RAPGEF2: variants seen among roughly 807,000 people sequenced by gnomAD.
RAPGEF2 encodes PDZ domain containing guanine nucleotide exchange factor (GEF) 1.
RAPGEF2 carries 54 observed loss-of-function variants against 186.7 expected under a neutral mutation model. That is an observed-to-expected ratio of 0.29 (90% CI 0.23 to 0.36). The LOEUF is 0.36. Among genes scored for constraint, RAPGEF2 ranks in the 10% least tolerant of loss-of-function variants. RAPGEF2 has a pLI of 1.00. For missense variants in RAPGEF2, 1,532 were observed against 2,045.0 expected (o/e 0.75, Z 4.84); for synonymous variants, 712 against 705.9 (o/e 1.01, Z -0.14).
Position 159,343,359 on chromosome 4 carries a change from G to A in RAPGEF2, c.3209G>A (p.Arg1070Gln), listed in dbSNP as rs757863966. ...GCAAAAGAAATTCGTCACGTTGGCC[G>A]AATGGCTTCAGTGAACATGGACCCT... is the stretch of plus-strand genomic sequence containing the variant. ...MIAKEIRHVG[R>Q]MASVNMDPAL... Residue 1070 changes from arginine (R) to glutamine (Q), a missense_variant, in exon 22 of 30, where the codon CGA becomes CAA. Arg to Gln is a conservative substitution (Grantham distance 43). Transcript: ENST00000691494. 3.7e-6 allele frequency: 6 copies of A among 1,614,056 alleles called. No homozygotes were observed. The highest frequency in any genetic ancestry group is 1.6e-4 in the Middle Eastern group (1 of 6,062).
intron 7 of RAPGEF2, among the ~76,000 whole-genome samples, chr4:159,277,900 CT>C (rs1759141536): frequency 6.6e-6 from 1 of 152,116 alleles, no homozygotes; most frequent in African/African-American, 2.4e-5. Context: ...ATGGTAGTTT[CT>C]TTTGCTGTGC....
chr4:159,326,320 G>A lies in RAPGEF2; in HGVS notation c.1149+2703G>A, dbSNP rs1579950489. Among the ~76,000 whole-genome samples the A allele has an allele frequency of 3.3e-5, 5 of 152,280 alleles. 1 individual carries two copies. Among genetic ancestry groups the A allele is most frequent in the Admixed American group, 3.3e-4 (5 of 15,282 alleles). On this transcript the variant is annotated intron_variant, in intron 11 of 29. Coordinates refer to ENST00000691494, the MANE Select transcript of RAPGEF2 (RefSeq NM_001394067.2). ...CATATTTTTATTCATGCATAAAATA[G>A]CCTCCATGAGTTTCTATCATTTTAC... is the stretch of plus-strand genomic sequence containing the variant.
chr4:159,298,293 C>T (rs556451915), intron 7 of RAPGEF2, among the ~76,000 whole-genome samples: 4 of 151,926 alleles, frequency 2.6e-5, no homozygotes, highest in Non-Finnish European at 5.9e-5. Flanking sequence ...TTTCTCTTTG[C>T]TTTGTGGAAT....
At chr4:159,115,510 T>A (rs188557151) in intron 1 of RAPGEF2, among the ~76,000 whole-genome samples, 3 of 152,014 alleles carry the variant, frequency 2.0e-5, no homozygotes, top group African/African-American at 4.8e-5. Context: ...TTCCATGTAT[T>A]CATATAGAAA....
At chr4:159,211,788 C>T (rs1249286624) in intron 4 of RAPGEF2, among the ~76,000 whole-genome samples, 1 of 152,080 alleles carries the variant, frequency 6.6e-6, no homozygotes, top group Non-Finnish European at 1.5e-5. Context: ...TCTTTGAGGT[C>T]AAATTGGCAA....
chr4:159,302,667 C>A (rs1468128690), intron 7 of RAPGEF2, among the ~76,000 whole-genome samples: 1 of 152,180 alleles, frequency 6.6e-6, no homozygotes, highest in Admixed American at 6.5e-5. Context: ...GCAAATATTT[C>A]ACTATTCTAC....
chr4:159,257,293 A>G (rs934306231), intron 7 of RAPGEF2, among the ~76,000 whole-genome samples: 1 of 152,218 alleles, frequency 6.6e-6, no homozygotes. Flanking sequence ...TCACAGTGCC[A>G]CCTGGCTGGG....
At chr4:159,207,851 A>C (rs1432339016) in intron 3 of RAPGEF2, among the ~76,000 whole-genome samples, 1 of 152,210 alleles carries the variant, frequency 6.6e-6, no homozygotes, top group African/African-American at 2.4e-5. Context: ...TAACAGTTTT[A>C]CTTGGCATAA....
intron 7 of RAPGEF2, among the ~76,000 whole-genome samples, chr4:159,277,877 C>T (rs1185116318): frequency 1.3e-5 from 2 of 152,078 alleles, no homozygotes; most frequent in Admixed American, 6.5e-5. Flanking sequence ...CTGTAGGTTG[C>T]CTGTTCACTC....
At chr4:159,260,196 T>G (rs958040030) in intron 7 of RAPGEF2, among the ~76,000 whole-genome samples, 5 of 151,898 alleles carry the variant, frequency 3.3e-5, no homozygotes, top group African/African-American at 1.2e-4. Flanking sequence ...CCCACACTAG[T>G]CTTGAACTCC....
chr4:159,350,041 TA>T, intron 25 of RAPGEF2, 95 bp from the exon 26 acceptor site: 1 of 727,240 alleles, frequency 1.4e-6, no homozygotes, highest in Non-Finnish European at 2.2e-6. Context: ...AGTGTAATGA[TA>T]TTAAATCTTA....
At chr4:159,156,947 A>T (rs186724336) in intron 1 of RAPGEF2, among the ~76,000 whole-genome samples, 1 of 152,336 alleles carries the variant, frequency 6.6e-6, no homozygotes, top group Admixed American at 6.5e-5. Context: ...CTAGACATTT[A>T]CCCAGTACAG....
At chr4:159,354,246 G>T (rs1182160459) in intron 28 of RAPGEF2, among the ~76,000 whole-genome samples, 200 bp downstream of exon 28, 1 of 152,188 alleles carries the variant, frequency 6.6e-6, no homozygotes, top group Non-Finnish European at 1.5e-5. Flanking sequence ...GGTACCTACA[G>T]ATCTGTTCCT....
chr4:159,108,491 A>G (rs764269324), intron 1 of RAPGEF2, among the ~76,000 whole-genome samples: 20 of 150,718 alleles, frequency 1.3e-4, no homozygotes, highest in Non-Finnish European at 2.8e-4. Context: ...TATCACTATC[A>G]TTTAATCTCA....
At chr4:159,258,408 T>A (rs962907664) in intron 7 of RAPGEF2, among the ~76,000 whole-genome samples, 3 of 152,192 alleles carry the variant, frequency 2.0e-5, no homozygotes, top group African/African-American at 7.2e-5. Flanking sequence ...GATGGTCTTC[T>A]ATATTTATTT....
At chr4:159,233,944 CGTGA>C (rs1394127662) in intron 4 of RAPGEF2, among the ~76,000 whole-genome samples, 2 of 151,742 alleles carry the variant, frequency 1.3e-5, no homozygotes, top group African/African-American at 4.8e-5. Flanking sequence ...AATTGGGAAG[CGTGA>C]GTCCTCATTG....
At chr4:159,181,846 CA>C (rs1747046851) in intron 1 of RAPGEF2, among the ~76,000 whole-genome samples, 1 of 152,104 alleles carries the variant, frequency 6.6e-6, no homozygotes, top group Admixed American at 6.6e-5. Flanking sequence ...GCCGGGAATA[CA>C]GTCATTCTGT....
chr4:159,312,039 A>G (rs2111095606), intron 8 of RAPGEF2, among the ~76,000 whole-genome samples: 1 of 152,284 alleles, frequency 6.6e-6, no homozygotes, highest in South Asian at 2.1e-4. Context: ...TGGGAGAGAT[A>G]AATCCAGTTG....
At chr4:159,104,500 G>GAGAA (rs1560964415) in intron 1 of RAPGEF2, among the ~76,000 whole-genome samples, 3 of 121,578 alleles carry the variant, frequency 2.5e-5, no homozygotes, top group Non-Finnish European at 5.0e-5. Context: ...GAGAGAGAGA[G>GAGAA]AGAGAGAGAG....
Sources: gnomAD v4.1 joint callset for allele counts (sites outside exome capture counted in the v4.1 genomes callset) on GRCh38, gnomAD v4.1.1 for gene constraint, MANE v1.5 for transcripts, NCBI Gene and HGNC (gene_info 2026-07-23, HGNC 2026-07-21) for gene names.